PTPRD: variants seen among roughly 807,000 people sequenced by gnomAD.
PTPRD encodes protein tyrosine phosphatase receptor type D, also known as receptor-type tyrosine-protein phosphatase delta.
Under a neutral mutation model 214.5 loss-of-function variants are expected in PTPRD, and 34 were observed. The ratio of observed to expected loss-of-function variants is 0.16; its 90% CI spans 0.12 to 0.21. The LOEUF (loss-of-function observed/expected upper bound fraction) is 0.21, where lower values mean the gene tolerates loss of function less well. Ranked by LOEUF, PTPRD falls within the 10% of genes least tolerant of loss-of-function variation. The pLI is 1.00. For missense variants in PTPRD, 2,545 were observed against 2,398.7 expected (o/e 1.06, Z -1.27); for synonymous variants, 1,128 against 845.7 (o/e 1.33, Z -5.79).
rs1429984824 is a variant in PTPRD, at chr9:8,524,998, T to C, written c.606A>G (p.Gln202=). 2 of 1,613,694 alleles carry C rather than the reference T, an allele frequency of 1.2e-6. No homozygotes were observed. The highest frequency in any genetic ancestry group is 1.7e-6 in the Non-Finnish European group (2 of 1,179,674). ...TGGTGGCAACACACTCATATTTTCC[T>C]TGGTCAGACTCTTCACTCTGCTCAA... is the stretch of plus-strand genomic sequence containing the variant. ...LQIEQSEESD[Q]GKYECVATNS... is the part of the protein sequence containing the mutation. Residue 202 remains glutamine (Q), a synonymous_variant, in exon 18 of 46, where the codon CAA becomes CAG. Transcript: ENST00000381196.
At chr9:9,600,103 T>A (rs2154336581) in intron 7 of PTPRD, among the ~76,000 whole-genome samples, 1 of 152,184 alleles carries the variant, frequency 6.6e-6, no homozygotes, top group East Asian at 1.9e-4. Context: ...TTATGTTGTT[T>A]ATGTGTGCGG....
intron 9 of PTPRD, among the ~76,000 whole-genome samples, chr9:9,267,043 C>A (rs758420459): frequency 1.3e-5 from 2 of 151,146 alleles, no homozygotes; most frequent in Non-Finnish European, 3.0e-5. Context: ...CATCAACAAA[C>A]TTTTAGCTAG....
chr9:9,096,404 G>A (rs1056736532), intron 10 of PTPRD, among the ~76,000 whole-genome samples: 4 of 152,244 alleles, frequency 2.6e-5, no homozygotes, highest in East Asian at 1.9e-4. Context: ...TCAATCTCAC[G>A]AATGGAATGC....
At chr9:8,495,595 A>G (rs771200508) in intron 26 of PTPRD, among the ~76,000 whole-genome samples, 1 of 152,252 alleles carries the variant, frequency 6.6e-6, no homozygotes, top group Non-Finnish European at 1.5e-5. Context: ...AACAAACAGA[A>G]AATGAAGTGG....
At chr9:9,295,390 C>T (rs1952652542) in intron 9 of PTPRD, among the ~76,000 whole-genome samples, 1 of 151,612 alleles carries the variant, frequency 6.6e-6, no homozygotes, top group Admixed American at 6.6e-5. Context: ...TAAAGTGTAA[C>T]TGACAGTTCT....
Position 8,610,174 on chromosome 9 carries a change from T to G in PTPRD, c.352+23143A>C, listed in dbSNP as rs1428673068. ...TCATCATCATTATTATTTGTTGTTG[T>G]GCAAACACTGCTCTTTCTGAACTGC... On this transcript the variant is annotated intron_variant, in intron 14 of 45. Transcript: ENST00000381196. 2.6e-5 allele frequency among the ~76,000 whole-genome samples: 4 copies of G among 152,306 alleles called. No homozygotes were observed. The East Asian group carries it at 7.7e-4, about 29-fold the overall frequency.
chr9:10,161,113 G>A (rs750367583), intron 3 of PTPRD, among the ~76,000 whole-genome samples: 134 of 151,822 alleles, frequency 8.8e-4, no homozygotes, highest in Middle Eastern at 3.4e-3. Context: ...TGAACTTGAA[G>A]AATATTGTTA....
At chr9:8,784,027 T>C (rs1461398987) in intron 11 of PTPRD, among the ~76,000 whole-genome samples, 1 of 152,132 alleles carries the variant, frequency 6.6e-6, no homozygotes, top group Non-Finnish European at 1.5e-5. Context: ...CATGCTTTCT[T>C]ATTGGAGCTG....
chr9:9,010,786 C>G (rs1374346050), intron 11 of PTPRD, among the ~76,000 whole-genome samples: 2 of 152,048 alleles, frequency 1.3e-5, no homozygotes, highest in Non-Finnish European at 2.9e-5. Context: ...TTTGAGTGTG[C>G]CATCAGTTGC....
At chr9:9,588,770 T>C (rs1397081524) in intron 7 of PTPRD, among the ~76,000 whole-genome samples, 1 of 151,968 alleles carries the variant, frequency 6.6e-6, no homozygotes, top group Non-Finnish European at 1.5e-5. Flanking sequence ...ATATGTTTTC[T>C]AAATATTTTA....
intron 6 of PTPRD, among the ~76,000 whole-genome samples, chr9:9,737,590 T>C (rs2098323249): frequency 6.6e-6 from 1 of 152,198 alleles, no homozygotes; most frequent in African/African-American, 2.4e-5. Context: ...ATAAATGGAA[T>C]CACACAACAT....
intron 4 of PTPRD, among the ~76,000 whole-genome samples, chr9:9,978,073 T>C (rs575252467): frequency 6.6e-6 from 1 of 152,108 alleles, no homozygotes; most frequent in South Asian, 2.1e-4. Flanking sequence ...GCTGATATTG[T>C]AGAGCAACCA....
chr9:9,467,588 CA>C (rs1176159031), intron 8 of PTPRD, among the ~76,000 whole-genome samples: 13,690 of 55,802 alleles, frequency 0.25, 1,207 homozygotes, highest in Middle Eastern at 0.52. Flanking sequence ...CTCCATCTCC[CA>C]AAAAAAAAAA....
intron 11 of PTPRD, among the ~76,000 whole-genome samples, chr9:8,842,258 A>C (rs2097573369): frequency 6.6e-6 from 1 of 152,216 alleles, no homozygotes; most frequent in Admixed American, 6.5e-5. Context: ...TTCTGTGACC[A>C]AATGAGAGAC....
intron 10 of PTPRD, among the ~76,000 whole-genome samples, chr9:9,052,917 C>G (rs990763389): frequency 6.6e-6 from 1 of 152,146 alleles, no homozygotes; most frequent in African/African-American, 2.4e-5. Flanking sequence ...CATCTTTCCA[C>G]TAACTATCTA....
chr9:8,566,940 G>C (rs1007326943), intron 14 of PTPRD, among the ~76,000 whole-genome samples: 12 of 151,940 alleles, frequency 7.9e-5, no homozygotes, highest in African/African-American at 2.9e-4. Context: ...TTCTTGATTT[G>C]GGGTTTTCTT....
At chr9:9,878,033 C>G (rs927083597) in intron 5 of PTPRD, among the ~76,000 whole-genome samples, 3 of 151,714 alleles carry the variant, frequency 2.0e-5, no homozygotes, top group Admixed American at 2.0e-4. Flanking sequence ...ATCGGTTGCC[C>G]CTCTAAAATT....
chr9:8,980,815 G>C lies in PTPRD; in HGVS notation c.-104+37882C>G, dbSNP rs537753078. ...TCAAAGCCAATCCCTGGGGACTTAC[G>C]GTGTACATTTATGAATCATGTAGGG... On this transcript the variant is annotated intron_variant, in intron 11 of 45. Transcript: ENST00000381196. Among the ~76,000 whole-genome samples the C allele has an allele frequency of 3.3e-5, 5 of 152,120 alleles. No homozygotes were observed. In the East Asian group the frequency reaches 9.7e-4, roughly 29 times the overall value.
intron 7 of PTPRD, among the ~76,000 whole-genome samples, chr9:9,718,578 CT>C (rs1326981278): frequency 6.6e-6 from 1 of 152,224 alleles, no homozygotes; most frequent in Non-Finnish European, 1.5e-5. Flanking sequence ...AGGAAGCCCC[CT>C]TCCCCTGCAG....
Sources: allele counts gnomAD v4.1 joint callset (sites outside exome capture counted in the v4.1 genomes callset), GRCh38; gene constraint gnomAD v4.1.1; transcripts MANE v1.5; gene names NCBI Gene and HGNC (gene_info 2026-07-23, HGNC 2026-07-21).